Variants in MGAM observed in about 807,000 individuals in gnomAD.
MGAM encodes the protein maltase-glucoamylase.
A neutral mutation model predicts 358.8 loss-of-function variants in MGAM; 253 were observed. The ratio of observed to expected loss-of-function variants is 0.71; its 90% confidence interval spans 0.64 to 0.78. The LOEUF is 0.78. Among genes scored for constraint, MGAM ranks in the 30% least tolerant of loss-of-function variants. The pLI is 0.00. For synonymous variants in MGAM, 1,105 were observed against 1,227.1 expected (o/e 0.90, Z 2.08); for missense variants, 3,080 against 3,432.6 (o/e 0.90, Z 2.57).
chr7:142,031,544 C>T, intron 12 of MGAM, 136 bp from the exon 13 acceptor site: 1 of 590,804 alleles, frequency 1.7e-6, no homozygotes, highest in African/African-American at 1.9e-5. Flanking sequence ...AGCACCGCAC[C>T]TTCTTAACTA....
chr7:142,092,534 C>T lies in MGAM; in HGVS notation c.6959C>T (p.Pro2320Leu), dbSNP rs1284528348. The T allele has an allele frequency of 1.3e-6, 2 of 1,548,196 alleles. No individual in the cohort carries two copies. The highest frequency in any genetic ancestry group is 2.3e-5 in the East Asian group (1 of 43,712). The change falls in exon 59 of 71, where the codon CCA (proline) becomes CTA (leucine). Residue 2320 changes from proline (P) to leucine (L), a missense_variant. Transcript: ENST00000475668. Reference sequence around the variant, plus strand: ...TGGCATTTCTAGGATATGAATGAACCATCAAGCTTCGTGAATGGGGCAGTT... The same window carrying T: ...TGGCATTTCTAGGATATGAATGAACTATCAAGCTTCGTGAATGGGGCAGTT... ...FDGMWIDMNE[P>L]SSFVNGAVSP... is the part of the protein sequence containing the mutation.
At chr7:142,056,803 A>G in intron 29 of MGAM, 27 bp from the exon 30 acceptor site, 1 of 1,610,062 alleles carries the variant, frequency 6.2e-7, no homozygotes, top group African/African-American at 1.3e-5. Context: ...GGTGTCCGTG[A>G]GGCTTGGCAT....
In MGAM at chr7:142,052,839, T is replaced by C. The variant is rs368535316; in HGVS notation, c.3014T>C (p.Val1005Ala). The change falls in exon 26 of 71, where the codon GTC (valine) becomes GCC (alanine). Residue 1005 changes from valine (V) to alanine (A), a missense_variant. Transcript: ENST00000475668. Reference sequence around the variant, plus strand: ...TATTTTGTCAACGACCTATACTCTGTCAGTGATGTTCAGTATAATTCCCAT... The same window carrying C: ...TATTTTGTCAACGACCTATACTCTGCCAGTGATGTTCAGTATAATTCCCAT... ...FCYFVNDLYSVSDVQYNSHGA... is the reference protein window; with the variant it reads ...FCYFVNDLYSASDVQYNSHGA... 27 of 1,613,804 alleles carry C rather than the reference T, an allele frequency of 1.7e-5. No individual in the cohort carries two copies. The highest frequency in any genetic ancestry group is 2.2e-5 in the Non-Finnish European group (26 of 1,179,858).
chr7:142,047,154 A>G (rs1810478474), intron 21 of MGAM, among the ~76,000 whole-genome samples: 1 of 152,118 alleles, frequency 6.6e-6, no homozygotes, highest in South Asian at 2.1e-4. Context: ...AGAGACTCCA[A>G]ATAAAAATTT....
chr7:142,062,662 A>G lies in MGAM; in HGVS notation c.4217A>G (p.Gln1406Arg). 2 of 1,610,524 alleles carry G rather than the reference A, an allele frequency of 1.2e-6. No individual in the cohort carries two copies. The highest frequency in any genetic ancestry group is 1.7e-6 in the Non-Finnish European group (2 of 1,178,482). ...ATAGAAGAACTATACAACAATCCACAGAATCCAGAGAGGAGCTTGAAGTTT... is the reference window on the plus strand; with the variant it reads ...ATAGAAGAACTATACAACAATCCACGGAATCCAGAGAGGAGCTTGAAGTTT... ...REIEELYNNP[Q>R]NPERSLKFDG... Residue 1406 changes from glutamine to arginine, a missense_variant, in exon 35 of 71, where the codon CAG (glutamine) becomes CGG (arginine). Gln to Arg is a conservative substitution (Grantham distance 43). This residue lies in a region of MGAM where 1,816 missense variants were observed against 1,840.5 expected (regional missense o/e 0.99). Transcript: ENST00000475668.
chr7:141,992,908 C>T (rs941818713), upstream of MGAM, among the ~76,000 whole-genome samples: 2 of 152,172 alleles, frequency 1.3e-5, no homozygotes, highest in Admixed American at 6.5e-5. Flanking sequence ...CGGCCAGCCT[C>T]CATGCATGCC....
intron 29 of MGAM, among the ~76,000 whole-genome samples, chr7:142,056,329 AC>A (rs1293091347): frequency 6.6e-6 from 1 of 152,200 alleles, no homozygotes; most frequent in Non-Finnish European, 1.5e-5. Flanking sequence ...GGATAGTAAC[AC>A]CACATGGGTC....
At position 142,051,210 on chromosome 7, in the gene MGAM, A is replaced by G. The variant is rs1477427143; in HGVS notation, c.2805+346A>G. Among the ~76,000 whole-genome samples, 4 of 152,166 alleles carry G rather than the reference A, an allele frequency of 2.6e-5. No homozygotes were observed. In the South Asian group the frequency reaches 6.2e-4, roughly 24 times the overall value. On this transcript the variant is annotated intron_variant, in intron 24 of 70. Transcript: ENST00000475668. ...TGTGAATTTTGTATGACTAGCACAA[A>G]TAAGAATTGGTATTTGAAAAAGGCC...
In MGAM at chr7:142,062,575, G is replaced by C; in HGVS notation, c.4130G>C (p.Arg1377Pro). 4 of 1,590,444 alleles carry C rather than the reference G, an allele frequency of 2.5e-6. No homozygotes were observed. Among genetic ancestry groups the C allele is most frequent in the South Asian group, 1.1e-5 (1 of 87,318 alleles). Residue 1377 changes from arginine to proline, a missense_variant, in exon 35 of 71, where the codon CGA (arginine) becomes CCA (proline). By Grantham distance (103) the Arg-to-Pro change is moderately radical. Around this residue, in one of 5 missense-constraint regions of MGAM, gnomAD observed 1,816 missense variants for 1,840.5 expected, o/e 0.99. Coordinates refer to ENST00000475668, the MANE Select transcript of MGAM (RefSeq NM_001365693.1). ...TATATTTCTTTTTTATAGCTATATC[G>C]AGCTTATGTGGCCTTCCCAGACTTT... The part of the protein sequence containing the change: ...LDWDSQVELY[R>P]AYVAFPDFFR...
chr7:142,088,803 T>TA (rs1815053454), intron 57 of MGAM, among the ~76,000 whole-genome samples: 2 of 122,800 alleles, frequency 1.6e-5, no homozygotes, highest in East Asian at 5.0e-4. Flanking sequence ...CTATCTATCA[T>TA]TCTATCCTAT....
intron 2 of MGAM, among the ~76,000 whole-genome samples, chr7:142,005,972 C>T (rs1013410022): frequency 1.1e-4 from 16 of 151,064 alleles, no homozygotes; most frequent in African/African-American, 3.4e-4. Flanking sequence ...GAAAGGCAAG[C>T]GAGTATATGA....
intron 17 of MGAM, 30 bp from the exon 18 acceptor site, chr7:142,036,793 C>T: frequency 6.2e-7 from 1 of 1,606,758 alleles, no homozygotes; most frequent in Non-Finnish European, 8.5e-7. Flanking sequence ...TGCAGCCAAA[C>T]CACAACTGCA....
At chr7:142,037,098 A>G (rs1808062218) in intron 18 of MGAM, 121 bp downstream of exon 18, 8 of 989,482 alleles carry the variant, frequency 8.1e-6, no homozygotes, top group Admixed American at 7.0e-5. Context: ...ATCTGTATCT[A>G]TATCTGTAAT....
At position 142,081,378 on chromosome 7, in the gene MGAM, A is replaced by T. The variant is rs1287469638; in HGVS notation, c.6002+433A>T. Among the ~76,000 whole-genome samples, 2 of 145,806 alleles carry T rather than the reference A, an allele frequency of 1.4e-5. 1 individual carries two copies. The highest frequency in any genetic ancestry group is 4.4e-4 in the South Asian group (2 of 4,516). On this transcript the variant is annotated intron_variant, in intron 50 of 70. Transcript: ENST00000475668. Reference sequence around the variant, plus strand: ...GCTTCTGATATTGGGGTCAGAGTAGATCTCGCCAAGAAGGTGATATTTTAA... The same window carrying T: ...GCTTCTGATATTGGGGTCAGAGTAGTTCTCGCCAAGAAGGTGATATTTTAA...
chr7:142,101,192 T>C (rs1041325662), intron 68 of MGAM, among the ~76,000 whole-genome samples: 1 of 152,166 alleles, frequency 6.6e-6, no homozygotes, highest in Admixed American at 6.5e-5. Flanking sequence ...GGATTTATGG[T>C]CAAGGACACA....
intron 9 of MGAM, 91 bp from the exon 10 acceptor site, chr7:142,027,519 G>T: frequency 7.4e-7 from 1 of 1,343,580 alleles, no homozygotes. Context: ...TTGGGAAATG[G>T]ACTATGTTTG....
chr7:142,102,254 C>G (rs930267910), intron 68 of MGAM, among the ~76,000 whole-genome samples: 1 of 151,964 alleles, frequency 6.6e-6, no homozygotes, highest in African/African-American at 2.4e-5. Flanking sequence ...GAGATGTGTA[C>G]ATACAGCAAA....
chr7:142,040,561 G>C, intron 20 of MGAM, 161 bp from the exon 21 acceptor site: 1 of 934,070 alleles, frequency 1.1e-6, no homozygotes, highest in Non-Finnish European at 1.6e-6. Flanking sequence ...AGCAGAACAT[G>C]TTATTCTTGA....
At chr7:142,103,186 AC>A in intron 69 of MGAM, 82 bp from the exon 70 acceptor site, 1 of 1,134,424 alleles carries the variant, frequency 8.8e-7, no homozygotes, top group Non-Finnish European at 1.2e-6. Context: ...TTACTTTATG[AC>A]CTACATTTGT....
Sources: gnomAD v4.1 joint callset for allele counts (sites outside exome capture counted in the v4.1 genomes callset) on GRCh38, gnomAD v4.1.1 for gene constraint, gnomAD v4.1.1 regional missense constraint, MANE v1.5 for transcripts, NCBI Gene and HGNC (gene_info 2026-07-23, HGNC 2026-07-21) for gene names.